KIF6: variants seen among roughly 807,000 people sequenced by gnomAD.
KIF6 encodes kinesin-like protein KIF6.
A neutral mutation model predicts 112.7 loss-of-function variants in KIF6; 106 were observed. That is an observed-to-expected ratio of 0.94 (90% confidence interval 0.80 to 1.11). The LOEUF is 1.11. KIF6 is among the 50% of genes least tolerant of loss of function. KIF6 has a pLI of 0.00. For missense variants in KIF6, 929 were observed against 964.0 expected, an observed-to-expected ratio of 0.96 and a Z score of 0.48; for synonymous variants, 339 against 339.9, an observed-to-expected ratio of 1.00 and a Z score of 0.03.
At chr6:39,700,364 AAATT>A (rs1788811494) in intron 3 of KIF6, among the ~76,000 whole-genome samples, 1 of 152,228 alleles carries the variant, frequency 6.6e-6, no homozygotes, top group African/African-American at 2.4e-5. Context: ...AAATTTCTGT[AAATT>A]ACTTCGAAAT....
At chr6:39,547,551 C>T (rs1429665025) in intron 10 of KIF6, among the ~76,000 whole-genome samples, 1 of 152,184 alleles carries the variant, frequency 6.6e-6, no homozygotes, top group Non-Finnish European at 1.5e-5. Flanking sequence ...TCCCCTGCCA[C>T]CATTCCCCTC....
chr6:39,634,769 C>A, intron 5 of KIF6, 80 bp downstream of exon 5: 1 of 863,548 alleles, frequency 1.2e-6, no homozygotes. Flanking sequence ...AGACCAGAAA[C>A]ATACAAAGTT....
intron 16 of KIF6, among the ~76,000 whole-genome samples, chr6:39,384,801 T>C (rs1767274456): frequency 6.6e-6 from 1 of 152,120 alleles, no homozygotes; most frequent in Non-Finnish European, 1.5e-5. Flanking sequence ...AAGTTCTCCA[T>C]AAATTGTTGG....
intron 14 of KIF6, among the ~76,000 whole-genome samples, chr6:39,428,218 T>C (rs998884553): frequency 6.6e-6 from 1 of 152,194 alleles, no homozygotes; most frequent in African/African-American, 2.4e-5. Context: ...TTTGGTAGCT[T>C]TTAAAAGCTC....
chr6:39,384,212 G>T (rs917259784), intron 16 of KIF6, among the ~76,000 whole-genome samples: 1 of 152,222 alleles, frequency 6.6e-6, no homozygotes, highest in Non-Finnish European at 1.5e-5. Context: ...GGCTGAAGAA[G>T]AGGGCAGATG....
chr6:39,377,478 T>C (rs1437735635), intron 16 of KIF6, among the ~76,000 whole-genome samples: 3 of 152,024 alleles, frequency 2.0e-5, no homozygotes, highest in Admixed American at 6.6e-5. Context: ...GGGGAATAAA[T>C]GGTTGACAGT....
chr6:39,353,425 A>G (rs1413606188), intron 19 of KIF6, among the ~76,000 whole-genome samples: 1 of 151,992 alleles, frequency 6.6e-6, no homozygotes, highest in African/African-American at 2.4e-5. Context: ...TGAGTGGTTT[A>G]TTTTCTTATT....
intron 13 of KIF6, among the ~76,000 whole-genome samples, chr6:39,505,247 C>T (rs992447219): frequency 6.6e-6 from 1 of 151,982 alleles, no homozygotes. Flanking sequence ...CAAGGAATGG[C>T]AAAAGGAATC....
intron 10 of KIF6, among the ~76,000 whole-genome samples, chr6:39,563,138 G>A (rs984935126): frequency 6.6e-6 from 1 of 152,178 alleles, no homozygotes; most frequent in Non-Finnish European, 1.5e-5. Flanking sequence ...ATACTAGGAA[G>A]GCTGAGGCAG....
chr6:39,577,890 A>G (rs962495524), intron 10 of KIF6, among the ~76,000 whole-genome samples, 166 bp downstream of exon 10: 3 of 152,214 alleles, frequency 2.0e-5, no homozygotes, highest in Non-Finnish European at 2.9e-5. Context: ...AGCCTTATCC[A>G]GCTTTTCATG....
chr6:39,700,339 T>A (rs2113834008), intron 3 of KIF6, among the ~76,000 whole-genome samples: 1 of 152,344 alleles, frequency 6.6e-6, no homozygotes, highest in Middle Eastern at 3.4e-3. Context: ...TTATAAACTG[T>A]GACAACATTA....
At chr6:39,672,999 C>A (rs868098452) in intron 3 of KIF6, among the ~76,000 whole-genome samples, 2 of 152,226 alleles carry the variant, frequency 1.3e-5, no homozygotes, top group Middle Eastern at 3.4e-3. Context: ...TAGGCAGGAG[C>A]AAAAGGAAGT....
At chr6:39,566,609 CTAAT>C (rs1780292858) in intron 10 of KIF6, among the ~76,000 whole-genome samples, 2 of 152,172 alleles carry the variant, frequency 1.3e-5, no homozygotes, top group Admixed American at 6.5e-5. Context: ...TTTGAAATGA[CTAAT>C]TAACAGTATG....
intron 13 of KIF6, among the ~76,000 whole-genome samples, chr6:39,519,111 A>G (rs929626400): frequency 2.0e-5 from 3 of 152,192 alleles, no homozygotes; most frequent in Non-Finnish European, 2.9e-5. Flanking sequence ...GCCTGATTGC[A>G]TGGTTGGTCA....
At chr6:39,648,392 C>T (rs893778069) in intron 3 of KIF6, among the ~76,000 whole-genome samples, 12 of 152,064 alleles carry the variant, frequency 7.9e-5, no homozygotes, top group African/African-American at 2.9e-4. Flanking sequence ...TGAGCTAAAC[C>T]AGTTATGTGA....
chr6:39,519,488 A>G (rs1333874033), intron 13 of KIF6, among the ~76,000 whole-genome samples: 1 of 152,196 alleles, frequency 6.6e-6, no homozygotes, highest in African/African-American at 2.4e-5. Context: ...ACGGTGTTTT[A>G]CAGAGCATAA....
intron 3 of KIF6, among the ~76,000 whole-genome samples, chr6:39,695,496 AGAACAAACACTT>A (rs1306181137): frequency 6.6e-6 from 1 of 152,150 alleles, no homozygotes; most frequent in Admixed American, 6.5e-5. Context: ...AAGTGGACAA[AGAACAAACACTT>A]CTCAAAAGAA....
chr6:39,398,263 C>T (rs1464762797), intron 15 of KIF6, among the ~76,000 whole-genome samples: 1 of 152,170 alleles, frequency 6.6e-6, no homozygotes, highest in Non-Finnish European at 1.5e-5. Flanking sequence ...TGGCTAGGGA[C>T]AGGTGGATAA....
At chr6:39,423,716 C>T (rs1770550951) in intron 14 of KIF6, among the ~76,000 whole-genome samples, 1 of 152,100 alleles carries the variant, frequency 6.6e-6, no homozygotes, top group Non-Finnish European at 1.5e-5. Flanking sequence ...ACGGATGGCT[C>T]ATGTCAGTAA....
Sources: gnomAD v4.1 joint callset for allele counts (sites outside exome capture counted in the v4.1 genomes callset) on GRCh38, gnomAD v4.1.1 for gene constraint, MANE v1.5 for transcripts, NCBI Gene and HGNC (gene_info 2026-07-23, HGNC 2026-07-21) for gene names.